The following KCNG4 variants were observed in gnomAD, a reference collection of about 807,000 sequenced individuals.
KCNG4 encodes potassium voltage-gated channel modifier subfamily G member 4.
KCNG4 carries 30 observed loss-of-function variants against 28.2 expected under a neutral mutation model. That is an observed-to-expected ratio of 1.06 (90% CI 0.80 to 1.44). The LOEUF (loss-of-function observed/expected upper bound fraction) is 1.44. KCNG4 is among the 40% of genes most tolerant of loss of function. The probability of loss-of-function intolerance (pLI) is 0.00; values close to 1 mark genes in which losing one functional copy is unlikely to be tolerated. For synonymous variants in KCNG4, 375 were observed against 315.5 expected, an observed-to-expected ratio of 1.19 and a Z score of -2.00; for missense variants, 879 against 712.3, an observed-to-expected ratio of 1.23 and a Z score of -2.66.
chr16:84,238,154 C>G (rs1287930387), intron 1 of KCNG4, among the ~76,000 whole-genome samples: 1 of 152,184 alleles, frequency 6.6e-6, no homozygotes, highest in Non-Finnish European at 1.5e-5. Flanking sequence ...CTAGATGCTT[C>G]TGACATGCCT....
chr16:84,238,487 C>G (rs1293996424), intron 1 of KCNG4, among the ~76,000 whole-genome samples: 1 of 152,194 alleles, frequency 6.6e-6, no homozygotes, highest in Non-Finnish European at 1.5e-5. Context: ...CAGTACTCCT[C>G]CATGTTCGTT....
At position 84,237,539 on chromosome 16, in the gene KCNG4, G is replaced by A. The variant is rs573602187; in HGVS notation, c.-40-14C>T. 1 of 1,427,086 alleles carries A rather than the reference G, an allele frequency of 7.0e-7. No individual in the cohort carries two copies. The highest frequency in any genetic ancestry group is 1.8e-5 in the South Asian group (1 of 54,812). The allele number at this position is 1,427,086 out of a possible 1,614,324, so 88.4% of individuals were successfully genotyped here. A position where few individuals can be genotyped will look rare whatever the true frequency, so the allele number is the denominator to read the frequency against. On this transcript the variant is annotated splice_polypyrimidine_tract_variant and intron_variant, in intron 1 of 2. Transcript: ENST00000308251. The stretch of plus-strand genomic sequence containing the variant: ...GGGTTTACCAGTCTGACACCCAAGG[G>A]ACAAAGAGCAAGCAAAAGGAAGGGA...
intron 2 of KCNG4, among the ~76,000 whole-genome samples, chr16:84,234,981 T>C (rs1320999314): frequency 2.0e-5 from 3 of 152,166 alleles, no homozygotes; most frequent in Non-Finnish European, 2.9e-5. Flanking sequence ...ACAAAGATGC[T>C]TTCACTAAGG....
chr16:84,234,225 G>A (rs1904889903), intron 2 of KCNG4, among the ~76,000 whole-genome samples: 1 of 152,202 alleles, frequency 6.6e-6, no homozygotes, highest in South Asian at 2.1e-4. Context: ...CCAGGCTGGA[G>A]TGCAGTGGCA....
Position 84,233,700 on chromosome 16 carries a change from T to C in KCNG4, c.756+3030A>G, listed in dbSNP as rs552430713. Among the ~76,000 whole-genome samples the C allele has an allele frequency of 3.3e-5, 5 of 151,428 alleles. No individual in the cohort carries two copies. The South Asian group carries it at 1.0e-3, about 32-fold the overall frequency. ...CTAGCTTGGTGATAAAGTGAGATCCTGTCTCAAATTTAAAAAAAGAAAGAG... is the reference window on the plus strand; with the variant it reads ...CTAGCTTGGTGATAAAGTGAGATCCCGTCTCAAATTTAAAAAAAGAAAGAG... On this transcript the variant is annotated intron_variant, in intron 2 of 2. Coordinates refer to ENST00000308251, the MANE Select transcript of KCNG4 (RefSeq NM_172347.3).
intron 2 of KCNG4, among the ~76,000 whole-genome samples, chr16:84,225,492 A>C (rs1486348075): frequency 6.6e-6 from 1 of 152,124 alleles, no homozygotes; most frequent in African/African-American, 2.4e-5. Context: ...GGGGCCCGGG[A>C]ATCTACATTT....
intron 2 of KCNG4, among the ~76,000 whole-genome samples, chr16:84,225,647 C>T (rs1184106387): frequency 1.3e-5 from 2 of 152,248 alleles, no homozygotes; most frequent in African/African-American, 4.8e-5. Context: ...ATAACTTTTC[C>T]ATACTGATGA....
chr16:84,229,797 T>TA (rs370214833), intron 2 of KCNG4, among the ~76,000 whole-genome samples: 222 of 152,216 alleles, frequency 1.5e-3, no homozygotes, highest in Middle Eastern at 6.8e-3. Flanking sequence ...AAACAGGGAA[T>TA]ATTGCTTCTT....
At chr16:84,233,867 G>C (rs760610423) in intron 2 of KCNG4, among the ~76,000 whole-genome samples, 2 of 152,172 alleles carry the variant, frequency 1.3e-5, no homozygotes, top group Non-Finnish European at 2.9e-5. Context: ...CCAATCAGAG[G>C]TGAGTTCAAA....
At position 84,222,817 on chromosome 16, in the gene KCNG4, G is replaced by T. The variant is rs778957478; in HGVS notation, c.960C>A (p.Gly320=). ...LAVSEEPPED[G]ERPSGSSYLE... ...GGTAGGAGCTCCCGCTCGGCCTCTCGCCGTCCTCCGGGGGCTCCTCAGACA... is the reference window on the plus strand; with the variant it reads ...GGTAGGAGCTCCCGCTCGGCCTCTCTCCGTCCTCCGGGGGCTCCTCAGACA... The change falls in exon 3 of 3, where the codon GGC becomes GGA. Residue 320 remains glycine, a synonymous_variant. Coordinates refer to ENST00000308251, the MANE Select transcript of KCNG4 (RefSeq NM_172347.3). 1 of 1,609,922 alleles carries T rather than the reference G, an allele frequency of 6.2e-7. No individual in the cohort carries two copies. Among genetic ancestry groups the T allele is most frequent in the East Asian group, 2.2e-5 (1 of 44,722 alleles).
intron 2 of KCNG4, chr16:84,236,472 C>T (rs1904951402): frequency 1.8e-6 from 1 of 545,986 alleles, no homozygotes; most frequent in Admixed American, 3.6e-5. Context: ...TGAGTCCACG[C>T]ATGGCTGAGG....
At chr16:84,238,145 T>C (rs552752031) in intron 1 of KCNG4, among the ~76,000 whole-genome samples, 2 of 152,296 alleles carry the variant, frequency 1.3e-5, no homozygotes, top group East Asian at 1.9e-4. Flanking sequence ...ATAATACTTC[T>C]AGATGCTTCT....
At position 84,236,893 on chromosome 16, in the gene KCNG4, G is replaced by A. The variant is rs267604663; in HGVS notation, c.593C>T (p.Ser198Leu). The change falls in exon 2 of 3, where the codon TCG becomes TTG. Residue 198 changes from serine to leucine, a missense_variant. Ser to Leu is a moderately radical substitution (Grantham distance 145). Coordinates refer to ENST00000308251, the MANE Select transcript of KCNG4 (RefSeq NM_172347.3). ...RETRRPASHS[S>L]RWGLCMNRLR... ...CCGGTTCATGCACAGGCCCCAGCGC[G>A]AGGAGTGCGAGGCGGGGCGGCGGGT... The A allele has an allele frequency of 9.3e-6, 15 of 1,613,380 alleles. No individual in the cohort carries two copies. The highest frequency in any genetic ancestry group is 4.5e-5 in the East Asian group (2 of 44,882).
intron 1 of KCNG4, among the ~76,000 whole-genome samples, chr16:84,238,209 G>C (rs918160862): frequency 2.6e-5 from 4 of 152,186 alleles, no homozygotes; most frequent in African/African-American, 9.7e-5. Flanking sequence ...GTAGACATAA[G>C]AGCTCCACTT....
intron 1 of KCNG4, among the ~76,000 whole-genome samples, chr16:84,237,790 G>T (rs1159695056): frequency 6.6e-6 from 1 of 152,160 alleles, no homozygotes; most frequent in Non-Finnish European, 1.5e-5. Flanking sequence ...TTGCACGGAT[G>T]GGGGCTTGAG....
rs752572913 is a variant in KCNG4 at position 84,222,819 on chromosome 16, C to T, written c.958G>A (p.Gly320Ser). Reference protein sequence around the residue: ...LAVSEEPPEDGERPSGSSYLE... With the variant: ...LAVSEEPPEDSERPSGSSYLE... ...TAGGAGCTCCCGCTCGGCCTCTCGC[C>T]GTCCTCCGGGGGCTCCTCAGACACC... Residue 320 changes from glycine to serine, a missense_variant, in exon 3 of 3, where the codon GGC (glycine) becomes AGC (serine). Transcript: ENST00000308251. 1.4e-5 allele frequency: 22 copies of T among 1,609,920 alleles called. No homozygotes were observed. The highest frequency in any genetic ancestry group is 6.7e-5 in the Admixed American group (4 of 59,832).
intron 1 of KCNG4, among the ~76,000 whole-genome samples, chr16:84,239,118 A>T (rs915431682): frequency 5.3e-5 from 8 of 152,076 alleles, no homozygotes; most frequent in African/African-American, 1.2e-4. Context: ...CAAGAGAAAA[A>T]CTCGGCAGTG....
Position 84,222,082 on chromosome 16 carries a change from CT to C in KCNG4, c.*134del. 1 of 972,362 alleles carries C rather than the reference CT, an allele frequency of 1.0e-6. No homozygotes were observed. Among genetic ancestry groups the C allele is most frequent in the Non-Finnish European group, 1.6e-6 (1 of 636,498 alleles). The allele number at this position is 972,362 out of a possible 1,614,324, so 60.2% of individuals were successfully genotyped here. On this transcript the variant is annotated 3_prime_UTR_variant, in exon 3 of 3. Transcript: ENST00000308251. Reference sequence around the variant, plus strand: ...ATCACAGACACACAGCCTCTGTGGCCTTATGCCCCTCCAGCTTTGAAAGTCT... The same window carrying C: ...ATCACAGACACACAGCCTCTGTGGCCTATGCCCCTCCAGCTTTGAAAGTCT...
At position 84,221,974 on chromosome 16, in the gene KCNG4, T is replaced by G. The variant is rs1055998676; in HGVS notation, c.*243A>C. On this transcript the variant is annotated 3_prime_UTR_variant, in exon 3 of 3. Coordinates refer to ENST00000308251, the MANE Select transcript of KCNG4 (RefSeq NM_172347.3). ...TGAGCTACTCCAGCAAGATTGGACA[T>G]GCTCAGTAGATGGGCAGAGAGAGGA... 1 of 542,978 alleles carries G rather than the reference T, an allele frequency of 1.8e-6. No homozygotes were observed. The highest frequency in any genetic ancestry group is 3.3e-6 in the Non-Finnish European group (1 of 305,586). 33.6% of individuals were successfully genotyped at this position (542,978 alleles called of 1,614,324 possible).
Sources: allele counts gnomAD v4.1 joint callset (sites outside exome capture counted in the v4.1 genomes callset), GRCh38; gene constraint gnomAD v4.1.1; transcripts MANE v1.5; gene names NCBI Gene and HGNC (gene_info 2026-07-23, HGNC 2026-07-21).